CDH13: variants seen among roughly 807,000 people sequenced by gnomAD.
CDH13 encodes cadherin-13.
CDH13 carries 24 observed loss-of-function variants against 63.8 expected under a neutral mutation model. The ratio of observed to expected loss-of-function variants is 0.38; its 90% CI spans 0.27 to 0.53. CDH13 has a LOEUF of 0.53. Ranked by LOEUF, CDH13 falls within the 20% of genes least tolerant of loss-of-function variation. The pLI is 0.85. For missense variants in CDH13, 1,049 were observed against 903.1 expected (o/e 1.16, Z -2.07); for synonymous variants, 503 against 355.3 (o/e 1.42, Z -4.67).
intron 4 of CDH13, among the ~76,000 whole-genome samples, chr16:83,195,637 C>T (rs1443444655): frequency 6.6e-6 from 1 of 152,128 alleles, no homozygotes; most frequent in Non-Finnish European, 1.5e-5. Context: ...TCCCACCAAG[C>T]CCCCTCCTCC....
chr16:82,896,276 A>ATTTTTTTTTTTTTT lies in CDH13; in HGVS notation c.157+37823_157+37836dup, dbSNP rs59677448. 7.9e-4 allele frequency among the ~76,000 whole-genome samples: 69 copies of ATTTTTTTTTTTTTT among 87,844 alleles called. 3 individuals are homozygous for ATTTTTTTTTTTTTT. The highest frequency in any genetic ancestry group is 1.3e-3 in the South Asian group (3 of 2,264). The allele number at this position is 87,844 out of a possible 152,430, so 57.6% of individuals were successfully genotyped here. A position where few individuals can be genotyped will look rare whatever the true frequency, so the allele number is the denominator to read the frequency against. On this transcript the variant is annotated intron_variant, in intron 2 of 13. Transcript: ENST00000567109. ...GAGTCTTCTGAGAACTAGGATTAGGATTTTTTTTTTTTTTTTTTTTTTTTT... is the reference window on the plus strand; with the variant it reads ...GAGTCTTCTGAGAACTAGGATTAGGATTTTTTTTTTTTTTTTTTTTTTTTTTTTTTTTTTTTTTT...
chr16:83,368,771 C>G (rs887202441), intron 6 of CDH13, among the ~76,000 whole-genome samples: 9 of 150,718 alleles, frequency 6.0e-5, no homozygotes, highest in Admixed American at 5.3e-4. Context: ...ATATGACATT[C>G]GATTTTCCAT....
chr16:83,667,855 A>G (rs1914139920), intron 8 of CDH13, among the ~76,000 whole-genome samples: 1 of 151,996 alleles, frequency 6.6e-6, no homozygotes, highest in Non-Finnish European at 1.5e-5. Flanking sequence ...AGAGATGGGA[A>G]TCTCACTATG....
chr16:83,285,951 G>A lies in CDH13; in HGVS notation c.637-58911G>A, dbSNP rs1202250289. 3.3e-5 allele frequency among the ~76,000 whole-genome samples: 5 copies of A among 152,342 alleles called. No individual in the cohort carries two copies. In the East Asian group the frequency reaches 7.7e-4, roughly 24 times the overall value. ...CAGACCAAGGAGCGTGGGCGAACTGGAGGGTTCCTGCCCATGTCCTGCCCA... is the reference window on the plus strand; with the variant it reads ...CAGACCAAGGAGCGTGGGCGAACTGAAGGGTTCCTGCCCATGTCCTGCCCA... On this transcript the variant is annotated intron_variant, in intron 5 of 13. Coordinates refer to ENST00000567109, the MANE Select transcript of CDH13 (RefSeq NM_001257.5).
chr16:83,012,524 C>T (rs1224633652), intron 2 of CDH13, among the ~76,000 whole-genome samples: 7 of 151,970 alleles, frequency 4.6e-5, no homozygotes, highest in African/African-American at 1.4e-4. Flanking sequence ...TAGACATCTT[C>T]GTCATTTGGG....
intron 4 of CDH13, among the ~76,000 whole-genome samples, chr16:83,213,413 C>A (rs999057456): frequency 1.3e-5 from 2 of 152,162 alleles, no homozygotes; most frequent in Non-Finnish European, 2.9e-5. Flanking sequence ...CCCATTCCCC[C>A]ACCCCCTCCT....
intron 2 of CDH13, among the ~76,000 whole-genome samples, chr16:83,008,867 G>A (rs192231149): frequency 3.3e-5 from 5 of 152,330 alleles, no homozygotes; most frequent in Non-Finnish European, 5.9e-5. Context: ...TTGACTCACA[G>A]TTCAGCATGG....
intron 6 of CDH13, among the ~76,000 whole-genome samples, chr16:83,470,207 CTG>C (rs1362502299): frequency 6.6e-6 from 1 of 152,112 alleles, no homozygotes; most frequent in African/African-American, 2.4e-5. Context: ...TGGTGTTTTT[CTG>C]TGTGTTTGTT....
At chr16:83,005,430 G>A (rs1913385353) in intron 2 of CDH13, among the ~76,000 whole-genome samples, 1 of 152,140 alleles carries the variant, frequency 6.6e-6, no homozygotes, top group African/African-American at 2.4e-5. Flanking sequence ...CTTAGCTGCA[G>A]GCACGGTACT....
intron 1 of CDH13, among the ~76,000 whole-genome samples, chr16:82,666,633 C>T (rs531965021): frequency 5.9e-5 from 9 of 152,162 alleles, no homozygotes; most frequent in East Asian, 3.9e-4. Context: ...ATAACCTAGT[C>T]GTAGGTTAAC....
chr16:82,950,533 G>A (rs763778152), intron 2 of CDH13, among the ~76,000 whole-genome samples: 3 of 152,104 alleles, frequency 2.0e-5, no homozygotes, highest in African/African-American at 4.8e-5. Flanking sequence ...CTCCCTATTC[G>A]CTTGGTTCTC....
chr16:83,009,543 AC>A, intron 2 of CDH13, among the ~76,000 whole-genome samples: 1 of 152,154 alleles, frequency 6.6e-6, no homozygotes, highest in African/African-American at 2.4e-5. Context: ...GATCAGAGAT[AC>A]CCTGCAAAGT....
chr16:83,626,104 A>T (rs920865586), intron 8 of CDH13, among the ~76,000 whole-genome samples: 1 of 151,802 alleles, frequency 6.6e-6, no homozygotes, highest in Non-Finnish European at 1.5e-5. Flanking sequence ...TCCACCTCCA[A>T]GGCTCCAATG....
intron 1 of CDH13, among the ~76,000 whole-genome samples, chr16:82,788,076 C>A (rs1289503025): frequency 6.6e-6 from 1 of 152,112 alleles, no homozygotes; most frequent in African/African-American, 2.4e-5. Context: ...TCAGTGCTCT[C>A]TGGAGGCTAT....
chr16:83,518,040 C>G (rs2074739553), intron 7 of CDH13, among the ~76,000 whole-genome samples: 1 of 152,138 alleles, frequency 6.6e-6, no homozygotes, highest in Non-Finnish European at 1.5e-5. Context: ...GTCATAATCT[C>G]CACATGTCAT....
chr16:83,443,401 G>C (rs756621588), intron 6 of CDH13, among the ~76,000 whole-genome samples: 18 of 152,160 alleles, frequency 1.2e-4, no homozygotes, highest in Non-Finnish European at 2.1e-4. Flanking sequence ...TTCTCAGTGC[G>C]TGTTGAATGT....
chr16:83,104,026 A>G (rs2034642862), intron 3 of CDH13, among the ~76,000 whole-genome samples: 1 of 152,240 alleles, frequency 6.6e-6, no homozygotes, highest in Admixed American at 6.5e-5. Flanking sequence ...TCATTATAAA[A>G]TAGTTGCTGT....
chr16:82,728,667 G>A (rs1308002240), intron 1 of CDH13, among the ~76,000 whole-genome samples: 1 of 152,150 alleles, frequency 6.6e-6, no homozygotes, highest in Non-Finnish European at 1.5e-5. Context: ...TGGCTGATCA[G>A]GGTGGGGGTT....
At chr16:83,235,040 CAAATAGAT>C (rs1167748436) in intron 5 of CDH13, among the ~76,000 whole-genome samples, 1 of 152,072 alleles carries the variant, frequency 6.6e-6, no homozygotes, top group Non-Finnish European at 1.5e-5. Context: ...ACAAAGTAAA[CAAATAGAT>C]AAATAAATTA....
Sources: allele counts gnomAD v4.1 joint callset (sites outside exome capture counted in the v4.1 genomes callset), GRCh38; gene constraint gnomAD v4.1.1; transcripts MANE v1.5; gene names NCBI Gene and HGNC (gene_info 2026-07-23, HGNC 2026-07-21).